The following SLC44A1 variants were observed in gnomAD, a reference collection of about 807,000 sequenced individuals.
SLC44A1 encodes solute carrier family 44 member 1.
In SLC44A1, 26 loss-of-function variants were observed where a neutral mutation model predicts 79.3. The ratio of observed to expected loss-of-function variants is 0.33; its 90% CI spans 0.24 to 0.46. The LOEUF (loss-of-function observed/expected upper bound fraction) is 0.46. SLC44A1 is among the 20% of genes least tolerant of loss of function. The pLI is 1.00. For missense variants in SLC44A1, 688 were observed against 798.1 expected, an observed-to-expected ratio of 0.86 and a Z score of 1.66; for synonymous variants, 263 against 286.2, an observed-to-expected ratio of 0.92 and a Z score of 0.82.
At chr9:105,408,434 G>A (rs980205882) in intron 15 of SLC44A1, among the ~76,000 whole-genome samples, 13 of 144,478 alleles carry the variant, frequency 9.0e-5, no homozygotes, top group South Asian at 2.1e-4. Context: ...TATTTGAGAC[G>A]GAGTCTTGCT....
intron 1 of SLC44A1, among the ~76,000 whole-genome samples, chr9:105,286,586 A>G (rs1830483659): frequency 6.6e-6 from 1 of 152,242 alleles, no homozygotes; most frequent in African/African-American, 2.4e-5. Flanking sequence ...TGATTGATCT[A>G]TAATCTTTTT....
rs142825795 is a variant in SLC44A1, at chr9:105,409,250, T to C, written c.1950+23748T>C. On this transcript the variant is annotated intron_variant, in intron 15 of 15. Transcript: ENST00000374724. Reference sequence around the variant, plus strand: ...GAAAGTGAAAAGATGGAAAAAGATATTCCATGCAAATAGTCATCAAAAGAG... The same window carrying C: ...GAAAGTGAAAAGATGGAAAAAGATACTCCATGCAAATAGTCATCAAAAGAG... Among the ~76,000 whole-genome samples, 863 of 152,302 alleles carry C rather than the reference T, an allele frequency of 5.7e-3. 3 individuals are homozygous for C. The highest frequency in any genetic ancestry group is 8.6e-3 in the Non-Finnish European group (587 of 68,018).
intron 15 of SLC44A1, chr9:105,385,824 C>A: frequency 1.1e-5 from 11 of 985,378 alleles, no homozygotes; most frequent in Non-Finnish European, 1.2e-5. Context: ...CAGTGTTTGG[C>A]TTTCATCAGA....
At chr9:105,351,664 A>G (rs1183383595) in intron 5 of SLC44A1, among the ~76,000 whole-genome samples, 10 of 144,052 alleles carry the variant, frequency 6.9e-5, no homozygotes, top group Non-Finnish European at 7.8e-5. Flanking sequence ...GAAAGAAAGA[A>G]AGAAAGAAAG....
At chr9:105,428,943 A>G (rs944968253) in intron 15 of SLC44A1, among the ~76,000 whole-genome samples, 4 of 152,210 alleles carry the variant, frequency 2.6e-5, no homozygotes, top group Admixed American at 1.3e-4. Flanking sequence ...TGACCTCGTG[A>G]TCCGCCTGCC....
intron 3 of SLC44A1, among the ~76,000 whole-genome samples, chr9:105,310,158 T>TC (rs34177716): frequency 6.6e-6 from 1 of 152,102 alleles, no homozygotes; most frequent in Admixed American, 6.6e-5. Flanking sequence ...TCTTTTTTTT[T>TC]CTTTAGCCTT....
chr9:105,296,730 G>A (rs1830731642), intron 1 of SLC44A1, among the ~76,000 whole-genome samples: 1 of 152,118 alleles, frequency 6.6e-6, no homozygotes, highest in Non-Finnish European at 1.5e-5. Flanking sequence ...TTAATACAAA[G>A]AAACATTCTT....
chr9:105,303,270 A>G (rs937200187), intron 2 of SLC44A1, among the ~76,000 whole-genome samples: 2 of 152,024 alleles, frequency 1.3e-5, no homozygotes, highest in Admixed American at 6.6e-5. Flanking sequence ...CCAAAAGGCT[A>G]AAGTTCCTTC....
In SLC44A1 at chr9:105,393,667, A is replaced by G. The variant is rs1828814902; in HGVS notation, c.*4611A>G. 1 of 984,656 alleles carries G rather than the reference A, an allele frequency of 1.0e-6. No individual in the cohort carries two copies. Among genetic ancestry groups the G allele is most frequent in the Admixed American group, 6.1e-5 (1 of 16,262 alleles). The allele number at this position is 984,656 out of a possible 1,614,324, so 61.0% of individuals were successfully genotyped here. ...CCATCTTGATTTTGTACATGTAAAG[A>G]CAAATGATGATTCAGTTTCAATATT... On this transcript the variant is annotated 3_prime_UTR_variant, in exon 16 of 16. Transcript: ENST00000374720.
chr9:105,342,256 G>A (rs751561640), intron 4 of SLC44A1, among the ~76,000 whole-genome samples: 13 of 152,100 alleles, frequency 8.5e-5, no homozygotes, highest in Non-Finnish European at 1.3e-4. Flanking sequence ...TTGCTTAGTA[G>A]CATGATGAAA....
chr9:105,337,969 T>C (rs1367346200), intron 4 of SLC44A1, among the ~76,000 whole-genome samples: 1 of 152,204 alleles, frequency 6.6e-6, no homozygotes, highest in South Asian at 2.1e-4. Flanking sequence ...ACAAAGTAGG[T>C]GCTCAAGATG....
chr9:105,356,350 A>G lies in SLC44A1; in HGVS notation c.639A>G (p.Glu213=). ...RLISGVMTSK[E]IILGLCLLSL... ...TTAGTGGAGTAATGACCAGCAAAGA[A>G]ATTATATTGGGACTTTGCTTGTTAT... is the stretch of plus-strand genomic sequence containing the variant. Residue 213 remains glutamate (E), a synonymous_variant, in exon 6 of 16, where the codon GAA becomes GAG. Coordinates refer to ENST00000374720, the MANE Select transcript of SLC44A1 (RefSeq NM_080546.5). The G allele has an allele frequency of 6.2e-7, 1 of 1,606,210 alleles. No individual in the cohort carries two copies.
intron 3 of SLC44A1, among the ~76,000 whole-genome samples, chr9:105,314,089 C>T (rs1170209807): frequency 6.6e-6 from 1 of 152,072 alleles, no homozygotes; most frequent in Non-Finnish European, 1.5e-5. Context: ...TTATTATTGC[C>T]AGAGAGGAAG....
intron 12 of SLC44A1, among the ~76,000 whole-genome samples, chr9:105,369,337 G>A (rs936216845): frequency 6.6e-6 from 1 of 152,198 alleles, no homozygotes; most frequent in African/African-American, 2.4e-5. Flanking sequence ...GTGCGGGCCT[G>A]TTTCCTGGTT....
In SLC44A1 at chr9:105,248,548, G is replaced by A. The variant is rs1260041978; in HGVS notation, c.36+3644G>A. On this transcript the variant is annotated intron_variant, in intron 1 of 15. Transcript: ENST00000374720. The stretch of plus-strand genomic sequence containing the variant: ...TGTCTAGTGAGTCAGGGCTCTTAAG[G>A]AACTTTTTAAATTATTTTTTAAAAA... Among the ~76,000 whole-genome samples, 3 of 152,092 alleles carry A rather than the reference G, an allele frequency of 2.0e-5. No homozygotes were observed. In the East Asian group the frequency reaches 5.8e-4, roughly 29 times the overall value.
chr9:105,362,204 A>G (rs992042275), intron 8 of SLC44A1, among the ~76,000 whole-genome samples: 6 of 152,204 alleles, frequency 3.9e-5, no homozygotes, highest in African/African-American at 1.4e-4. Context: ...AAGAAAAAAA[A>G]TCAGTCTACT....
chr9:105,386,323 T>C (rs934393362), intron 15 of SLC44A1: 22 of 934,908 alleles, frequency 2.4e-5, no homozygotes, highest in Non-Finnish European at 2.4e-5. Context: ...TAAACACGTA[T>C]TTTTTTAAAT....
chr9:105,371,738 A>AG (rs1394392996), intron 12 of SLC44A1, among the ~76,000 whole-genome samples: 1 of 151,216 alleles, frequency 6.6e-6, no homozygotes, highest in Non-Finnish European at 1.5e-5. Context: ...AAAAAAAAAA[A>AG]AAAGTAATTG....
intron 1 of SLC44A1, among the ~76,000 whole-genome samples, chr9:105,294,428 C>A (rs976537075): frequency 6.6e-6 from 1 of 151,694 alleles, no homozygotes; most frequent in African/African-American, 2.4e-5. Flanking sequence ...CTTCTGTCAG[C>A]GTAGAATTTG....
Sources: allele counts gnomAD v4.1 joint callset (sites outside exome capture counted in the v4.1 genomes callset), GRCh38; gene constraint gnomAD v4.1.1; transcripts MANE v1.5; gene names NCBI Gene and HGNC (gene_info 2026-07-23, HGNC 2026-07-21).